LRRN4: variants seen among roughly 807,000 people sequenced by gnomAD.
The protein encoded by LRRN4 is leucine-rich repeat neuronal protein 4.
LRRN4 carries 26 observed loss-of-function variants against 22.3 expected under a neutral mutation model. That is an observed-to-expected ratio of 1.16 (90% CI 0.85 to 1.62). The LOEUF (loss-of-function observed/expected upper bound fraction) is 1.62, where lower values mean the gene tolerates loss of function less well. LRRN4 is among the 40% of genes most tolerant of loss of function. The pLI is 0.00. For missense variants in LRRN4, 1,070 were observed against 1,008.5 expected (o/e 1.06, Z -0.83); for synonymous variants, 496 against 486.2 (o/e 1.02, Z -0.26).
chr20:6,052,911 C>G (rs1014293932), intron 1 of LRRN4, 107 bp from the exon 2 acceptor site: 3 of 1,165,684 alleles, frequency 2.6e-6, no homozygotes, highest in South Asian at 3.2e-5. Context: ...GGAGCACAGG[C>G]GCTGGATGTT....
At chr20:6,048,123 C>T (rs1981152978) in intron 3 of LRRN4, among the ~76,000 whole-genome samples, 1 of 152,136 alleles carries the variant, frequency 6.6e-6, no homozygotes, top group African/African-American at 2.4e-5. Flanking sequence ...CCCGTGGTCA[C>T]CCCATTCTCA....
chr20:6,051,066 T>C, intron 2 of LRRN4, 83 bp from the exon 3 acceptor site: 2 of 1,213,496 alleles, frequency 1.6e-6, no homozygotes, highest in Admixed American at 1.9e-5. Context: ...AGAACGAGAG[T>C]GGCAAGGTGA....
At chr20:6,048,135 C>G (rs1981153284) in intron 3 of LRRN4, among the ~76,000 whole-genome samples, 1 of 152,176 alleles carries the variant, frequency 6.6e-6, no homozygotes, top group South Asian at 2.1e-4. Context: ...CCATTCTCAG[C>G]TGACTAGGGC....
In LRRN4 at chr20:6,040,719, A is replaced by G. The variant is rs1980896851; in HGVS notation, c.*303T>C. The G allele has an allele frequency of 2.4e-6, 1 of 422,510 alleles. No homozygotes were observed. The allele number at this position is 422,510 out of a possible 1,614,324, so 26.2% of individuals were successfully genotyped here. On this transcript the variant is annotated 3_prime_UTR_variant, in exon 5 of 5. Coordinates refer to ENST00000378858, the MANE Select transcript of LRRN4 (RefSeq NM_152611.5). ...ACGTCCATACACTATTCTACTGGAT[A>G]GAGAGGCACTGACTGCTGAAAACCG... is the stretch of plus-strand genomic sequence containing the variant.
rs762433025 is a variant in LRRN4, at chr20:6,041,386, G to A, written c.1859C>T (p.Ala620Val). The change falls in exon 5 of 5, where the codon GCG (alanine) becomes GTG (valine). Residue 620 changes from alanine (A) to valine (V), a missense_variant. Coordinates refer to ENST00000378858, the MANE Select transcript of LRRN4 (RefSeq NM_152611.5). This position sits in a 1 kb window ranked among gnomAD's most constrained non-coding sequence, Gnocchi z 9.4. ...YQIRYSAEGWAGNQSVVGVIY... is the reference protein window; with the variant it reads ...YQIRYSAEGWVGNQSVVGVIY... ...GACCCCCACCACCGACTGGTTCCCC[G>A]CCCAGCCCTCCGCAGAGTAGCGGAT... 6.3e-7 allele frequency: 1 copy of A among 1,582,532 alleles called. No homozygotes were observed. Among genetic ancestry groups the A allele is most frequent in the East Asian group, 2.2e-5 (1 of 44,544 alleles).
Position 6,042,065 on chromosome 20 carries a change from C to CTGCGCTGGGCGCGACGGTGGT in LRRN4, c.1159_1179dup (p.Thr387_Ala393dup). ...TCTCCCGCAGGCCGGGTGGCGGGGGCTGCGCTGGGCGCGACGGTGGTACCC... is the reference window on the plus strand; with the variant it reads ...TCTCCCGCAGGCCGGGTGGCGGGGGCTGCGCTGGGCGCGACGGTGGTTGCGCTGGGCGCGACGGTGGTACCC... On this transcript the variant is annotated inframe_insertion, in exon 5 of 5. Coordinates refer to ENST00000378858, the MANE Select transcript of LRRN4 (RefSeq NM_152611.5). The CTGCGCTGGGCGCGACGGTGGT allele has an allele frequency of 1.2e-6, 2 of 1,613,992 alleles. No individual in the cohort carries two copies. The highest frequency in any genetic ancestry group is 8.5e-7 in the Non-Finnish European group (1 of 1,179,944).
At position 6,053,494 on chromosome 20, in the gene LRRN4, G is replaced by T. The variant is rs75726498; in HGVS notation, c.-6+336C>A. On this transcript the variant is annotated intron_variant, in intron 1 of 4. Coordinates refer to ENST00000378858, the MANE Select transcript of LRRN4 (RefSeq NM_152611.5). ...GTATTAGCCCTGCCCAGGAGGGATGGCTGAGAGCTGCTAGTTGTGGAATTT... is the reference window on the plus strand; with the variant it reads ...GTATTAGCCCTGCCCAGGAGGGATGTCTGAGAGCTGCTAGTTGTGGAATTT... 5.3e-3 allele frequency among the ~76,000 whole-genome samples: 812 copies of T among 152,276 alleles called. 10 individuals are homozygous for T. Among genetic ancestry groups the T allele is most frequent in the African/African-American group, 0.019 (792 of 41,548 alleles).
Position 6,041,046 on chromosome 20 carries a change from C to T in LRRN4, c.2199G>A (p.Pro733=), listed in dbSNP as rs774157248. The stretch of plus-strand genomic sequence containing the variant: ...GCTAACTGACGGTCTGGAGCCCCAG[C>T]GGGTAATCATCAAAGGCCGGGTTTT... ...AYKNPAFDDY[P]LGLQTVS is the part of the protein sequence containing the mutation. The change falls in exon 5 of 5, where the codon CCG becomes CCA. Residue 733 remains proline (P), a synonymous_variant. Transcript: ENST00000378858. This position sits in a 1 kb window ranked among gnomAD's most constrained non-coding sequence, Gnocchi z 9.4. 1.9e-6 allele frequency: 3 copies of T among 1,613,988 alleles called. No individual in the cohort carries two copies. Among genetic ancestry groups the T allele is most frequent in the East Asian group, 2.2e-5 (1 of 44,868 alleles).
Position 6,041,303 on chromosome 20 carries a change from G to T in LRRN4, c.1942C>A (p.Arg648Ser). 1 of 1,596,486 alleles carries T rather than the reference G, an allele frequency of 6.3e-7. No individual in the cohort carries two copies. Among genetic ancestry groups the T allele is most frequent in the Non-Finnish European group, 8.5e-7 (1 of 1,175,380 alleles). The change falls in exon 5 of 5, where the codon CGC becomes AGC. Residue 648 changes from arginine (R) to serine (S), a missense_variant. By Grantham distance (110) the Arg-to-Ser change is moderately radical (BLOSUM62 -1). Transcript: ENST00000378858. The surrounding 1 kb of genome is among the most constrained non-coding windows in gnomAD (Gnocchi z 9.4). ...LYGLSPGTTY[R>S]VCVLAANRAG... Reference sequence around the variant, plus strand: ...CTGTTGGCCGCCAGCACGCACACGCGGTAGGTGGTGCCCGGCGACAGCCCG... The same window carrying T: ...CTGTTGGCCGCCAGCACGCACACGCTGTAGGTGGTGCCCGGCGACAGCCCG...
Position 6,040,890 on chromosome 20 carries a change from T to C in LRRN4, c.*132A>G. 1 of 1,233,904 alleles carries C rather than the reference T, an allele frequency of 8.1e-7. No homozygotes were observed. Among genetic ancestry groups the C allele is most frequent in the Non-Finnish European group, 1.1e-6 (1 of 891,860 alleles). 76.4% of individuals were successfully genotyped at this position (1,233,904 alleles called of 1,614,324 possible). A position where few individuals can be genotyped will look rare whatever the true frequency, so the allele number is the denominator to read the frequency against. ...CAGACACTCAGTGTGGCAAGTTCCA[T>C]GTGTGCTCAAGGCATTCTGGCTTCA... On this transcript the variant is annotated 3_prime_UTR_variant, in exon 5 of 5. Transcript: ENST00000378858.
chr20:6,041,438 G>C lies in LRRN4; in HGVS notation c.1807C>G (p.Pro603Ala), dbSNP rs777925928. Residue 603 changes from proline (P) to alanine (A), a missense_variant, in exon 5 of 5, where the codon CCC becomes GCC. Transcript: ENST00000378858. The surrounding 1 kb of genome is among the most constrained non-coding windows in gnomAD (Gnocchi z 9.4). Reference protein sequence around the residue: ...DTSALVHWCAPNSVVHGYQIR... With the variant: ...DTSALVHWCAANSVVHGYQIR... ...TGGTACCCATGCACTACCGAGTTGG[G>C]GGCACACCAGTGGACCAGCGCCGAC... 1.3e-6 allele frequency: 2 copies of C among 1,554,572 alleles called. No homozygotes were observed. Among genetic ancestry groups the C allele is most frequent in the African/African-American group, 2.7e-5 (2 of 73,534 alleles).
Position 6,040,929 on chromosome 20 carries a change from C to G in LRRN4, c.*93G>C, listed in dbSNP as rs1980907008. ...ATTCTGGCTTCACGGGAATTAGAAA[C>G]CCTAGGAGCGGATGGGGTCGTTTTT... On this transcript the variant is annotated 3_prime_UTR_variant, in exon 5 of 5. Transcript: ENST00000378858. The G allele has an allele frequency of 1.2e-5, 18 of 1,536,038 alleles. No individual in the cohort carries two copies. Among genetic ancestry groups the G allele is most frequent in the African/African-American group, 2.8e-5 (2 of 72,692 alleles).
In LRRN4 at chr20:6,041,304, G is replaced by T. The variant is rs906377086; in HGVS notation, c.1941C>A (p.Tyr647Ter). ...PLYGLSPGTT[Y>*]RVCVLAANRA... ...TGTTGGCCGCCAGCACGCACACGCG[G>T]TAGGTGGTGCCCGGCGACAGCCCGT... The change falls in exon 5 of 5, where the codon TAC (tyrosine) becomes TAA (stop). Residue 647 changes from tyrosine to a stop codon, truncating the protein, a stop_gained. Coordinates refer to ENST00000378858, the MANE Select transcript of LRRN4 (RefSeq NM_152611.5). LOFTEE classifies it low-confidence loss of function (END_TRUNC). The surrounding 1 kb of genome is among the most constrained non-coding windows in gnomAD (Gnocchi z 9.4). 5.0e-6 allele frequency: 8 copies of T among 1,596,650 alleles called. No individual in the cohort carries two copies. In the African/African-American group the frequency reaches 1.1e-4, roughly 21 times the overall value.
At chr20:6,046,992 C>T (rs1337275001) in intron 3 of LRRN4, among the ~76,000 whole-genome samples, 1 of 152,176 alleles carries the variant, frequency 6.6e-6, no homozygotes, top group Non-Finnish European at 1.5e-5. Context: ...AGTAACACCG[C>T]TGAGTCCTTT....
intron 1 of LRRN4, 65 bp from the exon 2 acceptor site, chr20:6,052,869 G>A: frequency 6.9e-7 from 1 of 1,444,048 alleles, no homozygotes; most frequent in Non-Finnish European, 9.3e-7. Context: ...AGTCAGATGC[G>A]CGTCCCAACC....
chr20:6,050,339 G>A (rs1414205628), intron 3 of LRRN4, among the ~76,000 whole-genome samples: 1 of 152,154 alleles, frequency 6.6e-6, no homozygotes, highest in African/African-American at 2.4e-5. Context: ...GGACTAACAG[G>A]GCCTGCCCAT....
At chr20:6,049,290 C>T (rs572830128) in intron 3 of LRRN4, among the ~76,000 whole-genome samples, 3 of 152,266 alleles carry the variant, frequency 2.0e-5, no homozygotes, top group Non-Finnish European at 2.9e-5. Flanking sequence ...CAGCACATGG[C>T]GTGTGTCTCT....
intron 1 of LRRN4, 33 bp downstream of exon 1, chr20:6,053,797 G>A (rs1339065809): frequency 6.6e-6 from 1 of 152,324 alleles, no homozygotes; most frequent in Non-Finnish European, 1.5e-5. Context: ...CTGAAGCCAG[G>A]AGCGTGTGCA....
chr20:6,049,847 A>G (rs535530243), intron 3 of LRRN4, among the ~76,000 whole-genome samples: 205 of 152,208 alleles, frequency 1.3e-3, no homozygotes, highest in Non-Finnish European at 2.3e-3. Context: ...TCCTCGCATT[A>G]TAATTAGCAC....
Sources: allele counts gnomAD v4.1 joint callset (sites outside exome capture counted in the v4.1 genomes callset), GRCh38; gene constraint gnomAD v4.1.1; non-coding constraint Gnocchi (gnomAD v3.1); transcripts MANE v1.5; gene names NCBI Gene and HGNC (gene_info 2026-07-23, HGNC 2026-07-21).